The following POMGNT2 variants were observed in gnomAD, a reference collection of about 807,000 sequenced individuals.
The protein encoded by POMGNT2 is protein O-linked-mannose beta-1,4-N-acetylglucosaminyltransferase 2.
In POMGNT2, 32 loss-of-function variants were observed where a neutral mutation model predicts 37.8. The observed-to-expected ratio is 0.85, with a 90% CI of 0.64 to 1.14. POMGNT2 has a LOEUF of 1.14. POMGNT2 is among the 50% of genes most tolerant of loss of function. The pLI is 0.00. For missense variants in POMGNT2, 705 were observed against 780.6 expected, an observed-to-expected ratio of 0.90 and a Z score of 1.15; for synonymous variants, 340 against 336.8, an observed-to-expected ratio of 1.01 and a Z score of -0.10.
chr3:43,090,837 G>A (rs142651138), intron 1 of POMGNT2, among the ~76,000 whole-genome samples: 1 of 152,320 alleles, frequency 6.6e-6, no homozygotes, highest in East Asian at 1.9e-4. Context: ...AGGGAGGAAG[G>A]CACCAGGGAG....
intron 1 of POMGNT2, among the ~76,000 whole-genome samples, chr3:43,085,037 C>A (rs921864446): frequency 6.6e-6 from 1 of 151,680 alleles, no homozygotes. Context: ...GGTGGGCATC[C>A]AGGCTCCCTA....
rs760894012 is a variant in POMGNT2, at chr3:43,080,727, G to T, written c.705C>A (p.Gly235=). ...RLLCFSHAFV[G]LSKITTWYQY... ...GGTACCAGGTAGTGATCTTGGAGAG[G>T]CCCACAAAAGCATGGGAGAAGCACA... is the stretch of plus-strand genomic sequence containing the variant. Residue 235 remains glycine, a synonymous_variant, in exon 2 of 2, where the codon GGC becomes GGA. Coordinates refer to ENST00000344697, the MANE Select transcript of POMGNT2 (RefSeq NM_032806.6). The T allele has an allele frequency of 4.3e-6, 7 of 1,614,132 alleles. No individual in the cohort carries two copies. The South Asian group carries it at 7.7e-5, about 18-fold the overall frequency.
At chr3:43,101,017 T>C (rs1335825940) in intron 1 of POMGNT2, among the ~76,000 whole-genome samples, 1 of 152,104 alleles carries the variant, frequency 6.6e-6, no homozygotes, top group Non-Finnish European at 1.5e-5. Flanking sequence ...TAGGGCCACT[T>C]TACTGGAGAA....
In POMGNT2 at chr3:43,102,289, C is replaced by T. The variant is rs546359072; in HGVS notation, c.-106+3547G>A. Among the ~76,000 whole-genome samples the T allele has an allele frequency of 2.6e-5, 4 of 152,320 alleles. No homozygotes were observed. In the East Asian group the frequency reaches 7.7e-4, roughly 29 times the overall value. Reference sequence around the variant, plus strand: ...CCAGGTCCCCAGTCCCTTCCTAAGGCTTAGCTCAGGGCTGAGGAGCAACTA... The same window carrying T: ...CCAGGTCCCCAGTCCCTTCCTAAGGTTTAGCTCAGGGCTGAGGAGCAACTA... On this transcript the variant is annotated intron_variant, in intron 1 of 1. Transcript: ENST00000344697.
At chr3:43,083,383 T>C (rs1014881780) in intron 1 of POMGNT2, among the ~76,000 whole-genome samples, 2 of 152,222 alleles carry the variant, frequency 1.3e-5, no homozygotes, top group African/African-American at 2.4e-5. Context: ...TCAGGAGTAG[T>C]TGCTAAATAA....
rs368887025 is a variant in POMGNT2, at chr3:43,093,713, A to G, written c.-106+12123T>C. ...AGGTTAGCTTTGAGACATGTTCTAC[A>G]CTGGTTCCCAGGGTTCCCCAGTGGG... is the stretch of plus-strand genomic sequence containing the variant. On this transcript the variant is annotated intron_variant, in intron 1 of 1. Transcript: ENST00000344697. 1.1e-4 allele frequency among the ~76,000 whole-genome samples: 16 copies of G among 152,252 alleles called. No homozygotes were observed. In the East Asian group the frequency reaches 1.9e-3, roughly 18 times the overall value.
At chr3:43,093,336 T>C (rs987857484) in intron 1 of POMGNT2, among the ~76,000 whole-genome samples, 1 of 152,132 alleles carries the variant, frequency 6.6e-6, no homozygotes, top group African/African-American at 2.4e-5. Flanking sequence ...GGGGGCTGCT[T>C]CTAATTAGCT....
chr3:43,099,838 A>G (rs2090004862), intron 1 of POMGNT2, among the ~76,000 whole-genome samples: 2 of 151,960 alleles, frequency 1.3e-5, no homozygotes, highest in Admixed American at 1.3e-4. Context: ...GTCACCCTCA[A>G]CTCCTCCCTT....
intron 1 of POMGNT2, among the ~76,000 whole-genome samples, chr3:43,083,606 T>C (rs915037858): frequency 6.6e-6 from 1 of 152,260 alleles, no homozygotes; most frequent in Admixed American, 6.5e-5. Context: ...CTGTAACTTA[T>C]CACAGTCTAC....
chr3:43,080,985 C>T lies in POMGNT2; in HGVS notation c.447G>A (p.Val149=), dbSNP rs758269361. 2.5e-6 allele frequency: 4 copies of T among 1,614,234 alleles called. No individual in the cohort carries two copies. Among genetic ancestry groups the T allele is most frequent in the East Asian group, 4.5e-5 (2 of 44,880 alleles). ...ALRFMPKPVF[V]PDVALIANRF... ...GGTTGGCGATGAGGGCCACGTCTGG[C>T]ACGAACACCGGCTTGGGCATGAAGC... The change falls in exon 2 of 2, where the codon GTG becomes GTA. Residue 149 remains valine, a synonymous_variant. Coordinates refer to ENST00000344697, the MANE Select transcript of POMGNT2 (RefSeq NM_032806.6).
Position 43,081,660 on chromosome 3 carries a change from C to G in POMGNT2, c.-105-124G>C, listed in dbSNP as rs1222174754. 3 of 539,642 alleles carry G rather than the reference C, an allele frequency of 5.6e-6. No homozygotes were observed. In the African/African-American group the frequency reaches 5.7e-5, roughly 10 times the overall value. The allele number at this position is 539,642 out of a possible 1,614,324, so 33.4% of individuals were successfully genotyped here. A position where few individuals can be genotyped will look rare whatever the true frequency, so the allele number is the denominator to read the frequency against. ...TGCCCGCTACAGCACTGGATCCTTG[C>G]AGCCATTGTGCACATTGGTAGGCGT... On this transcript the variant is annotated intron_variant, in intron 1 of 1. Transcript: ENST00000344697.
Position 43,080,677 on chromosome 3 carries a change from C to T in POMGNT2, c.755G>A (p.Gly252Asp). ...WYQYGFVQPQ[G>D]PKANILVSGN... ...TGAGACGAGGATGTTGGCCTTCGGGCCCTGGGGCTGCACAAAGCCATACTG... is the reference window on the plus strand; with the variant it reads ...TGAGACGAGGATGTTGGCCTTCGGGTCCTGGGGCTGCACAAAGCCATACTG... Residue 252 changes from glycine to aspartate, a missense_variant, in exon 2 of 2, where the codon GGC becomes GAC. Transcript: ENST00000344697. The T allele has an allele frequency of 6.2e-7, 1 of 1,614,174 alleles. No homozygotes were observed.
intron 1 of POMGNT2, among the ~76,000 whole-genome samples, chr3:43,090,920 T>C (rs919237766): frequency 1.1e-4 from 17 of 152,304 alleles, no homozygotes; most frequent in African/African-American, 3.9e-4. Context: ...CTGGCAGTTG[T>C]AAGAGGAACT....
chr3:43,079,658 A>G lies in POMGNT2; in HGVS notation c.*31T>C. ...CCAGGGACGCTGAACTGCAGGAGCCACCTTCCCGAGGCCAGGCTGTGGCCT... is the reference window on the plus strand; with the variant it reads ...CCAGGGACGCTGAACTGCAGGAGCCGCCTTCCCGAGGCCAGGCTGTGGCCT... On this transcript the variant is annotated 3_prime_UTR_variant, in exon 2 of 2. Coordinates refer to ENST00000344697, the MANE Select transcript of POMGNT2 (RefSeq NM_032806.6). 1 of 1,583,080 alleles carries G rather than the reference A, an allele frequency of 6.3e-7. No homozygotes were observed. Among genetic ancestry groups the G allele is most frequent in the Non-Finnish European group, 8.6e-7 (1 of 1,163,380 alleles).
At chr3:43,091,624 TC>T (rs2089943835) in intron 1 of POMGNT2, among the ~76,000 whole-genome samples, 1 of 152,232 alleles carries the variant, frequency 6.6e-6, no homozygotes, top group Non-Finnish European at 1.5e-5. Flanking sequence ...CAAAGATTCT[TC>T]CCATGAGGTG....
At position 43,081,445 on chromosome 3, in the gene POMGNT2, T is replaced by A; in HGVS notation, c.-14A>T. On this transcript the variant is annotated 5_prime_UTR_variant, in exon 2 of 2. Transcript: ENST00000344697. ...CGAGAGGTGCATCCTAATGCCACTGTGGGGCCCTAATGAGATGACGGCCAC... is the reference window on the plus strand; with the variant it reads ...CGAGAGGTGCATCCTAATGCCACTGAGGGGCCCTAATGAGATGACGGCCAC... The A allele has an allele frequency of 6.5e-7, 1 of 1,534,854 alleles. No homozygotes were observed. Among genetic ancestry groups the A allele is most frequent in the Non-Finnish European group, 8.8e-7 (1 of 1,142,300 alleles).
chr3:43,103,317 C>A (rs1347241144), intron 1 of POMGNT2, among the ~76,000 whole-genome samples: 1 of 152,246 alleles, frequency 6.6e-6, no homozygotes, highest in South Asian at 2.1e-4. Context: ...CTCTCCCTCA[C>A]AAAGCAAAGA....
chr3:43,095,938 C>A (rs1215886193), intron 1 of POMGNT2, among the ~76,000 whole-genome samples: 1 of 152,170 alleles, frequency 6.6e-6, no homozygotes, highest in African/African-American at 2.4e-5. Context: ...CAGAGAATGC[C>A]ACTGGCTGAC....
chr3:43,080,945 T>A lies in POMGNT2; in HGVS notation c.487A>T (p.Asn163Tyr). ...ALIANRFNPDNLMHVFHDDLL... is the reference protein window; with the variant it reads ...ALIANRFNPDYLMHVFHDDLL... ...TCGTCATGAAAGACGTGCATGAGGT[T>A]GTCGGGGTTGAAGCGGTTGGCGATG... Residue 163 changes from asparagine to tyrosine, a missense_variant, in exon 2 of 2, where the codon AAC becomes TAC. Transcript: ENST00000344697. The A allele has an allele frequency of 6.2e-7, 1 of 1,614,114 alleles. No homozygotes were observed.
Sources: gnomAD v4.1 joint callset for allele counts (sites outside exome capture counted in the v4.1 genomes callset) on GRCh38, gnomAD v4.1.1 for gene constraint, MANE v1.5 for transcripts, NCBI Gene and HGNC (gene_info 2026-07-23, HGNC 2026-07-21) for gene names.